Variants in SLC13A4 observed in about 807,000 individuals in gnomAD.
SLC13A4 encodes the protein Na(+)/sulfate cotransporter SUT-1.
Under a neutral mutation model 72.7 loss-of-function variants are expected in SLC13A4, and 28 were observed. The observed-to-expected ratio is 0.39, with a 90% CI of 0.29 to 0.53. The LOEUF is 0.53. Ranked by LOEUF, SLC13A4 falls within the 20% of genes least tolerant of loss-of-function variation. The pLI, the probability that SLC13A4 is intolerant of heterozygous loss-of-function variation, is 0.78. For synonymous variants in SLC13A4, 312 were observed against 325.5 expected, an observed-to-expected ratio of 0.96 and a Z score of 0.45; for missense variants, 653 against 788.0, an observed-to-expected ratio of 0.83 and a Z score of 2.05.
At chr7:135,693,876 C>T (rs1465581149) in intron 10 of SLC13A4, among the ~76,000 whole-genome samples, 2 of 152,206 alleles carry the variant, frequency 1.3e-5, no homozygotes, top group Admixed American at 6.5e-5. Context: ...CTTCTTCTGC[C>T]TCTGTCTGCT....
At chr7:135,726,785 G>A (rs1796667049) in intron 1 of SLC13A4, among the ~76,000 whole-genome samples, 1 of 152,212 alleles carries the variant, frequency 6.6e-6, no homozygotes, top group African/African-American at 2.4e-5. Context: ...ATAATTCAAG[G>A]CCACGTGCAT....
chr7:135,696,781 C>G (rs1795914923), intron 8 of SLC13A4, among the ~76,000 whole-genome samples: 1 of 152,216 alleles, frequency 6.6e-6, no homozygotes, highest in Non-Finnish European at 1.5e-5. Flanking sequence ...GACCAAGGTC[C>G]TCTTGCCTAC....
At chr7:135,711,852 A>G (rs1195632807) in intron 2 of SLC13A4, among the ~76,000 whole-genome samples, 1 of 150,460 alleles carries the variant, frequency 6.6e-6, no homozygotes, top group Non-Finnish European at 1.5e-5. Flanking sequence ...CTGCCTCCTG[A>G]GTTTAAGCAA....
At chr7:135,710,964 C>CT (rs928976337) in intron 2 of SLC13A4, among the ~76,000 whole-genome samples, 3 of 58,010 alleles carry the variant, frequency 5.2e-5, no homozygotes, top group South Asian at 5.9e-4. Flanking sequence ...AGAGTCCACT[C>CT]TGAGAGGGCG....
chr7:135,681,521 T>C lies in SLC13A4; in HGVS notation c.*42A>G. 4 of 1,598,030 alleles carry C rather than the reference T, an allele frequency of 2.5e-6. No homozygotes were observed. Among genetic ancestry groups the C allele is most frequent in the Non-Finnish European group, 3.4e-6 (4 of 1,170,500 alleles). On this transcript the variant is annotated 3_prime_UTR_variant, in exon 16 of 16. Transcript: ENST00000682651. ...TGCCTGTGGTCCAGATACTGCTGGATACTGGCAGCTCCTGTGGTTGGGCCA... is the reference window on the plus strand; with the variant it reads ...TGCCTGTGGTCCAGATACTGCTGGACACTGGCAGCTCCTGTGGTTGGGCCA...
At chr7:135,691,883 C>T (rs75217360) in intron 11 of SLC13A4, 32 of 466,480 alleles carry the variant, frequency 6.9e-5, no homozygotes, top group Non-Finnish European at 1.1e-4. Flanking sequence ...TTTGTGAGCC[C>T]GTTAATTGGG....
intron 11 of SLC13A4, chr7:135,692,014 T>G (rs1224706117): frequency 4.7e-6 from 2 of 425,056 alleles, no homozygotes; most frequent in Non-Finnish European, 8.4e-6. Flanking sequence ...AGTGAGAAGT[T>G]GATTTCTTCT....
chr7:135,718,106 TGCGC>T (rs1796472327), intron 2 of SLC13A4, among the ~76,000 whole-genome samples: 1 of 89,626 alleles, frequency 1.1e-5, no homozygotes, highest in South Asian at 3.8e-4. Context: ...CGCGCACGCG[TGCGC>T]GCTAGTCTCC....
chr7:135,713,038 G>A (rs563905372), intron 2 of SLC13A4, among the ~76,000 whole-genome samples: 49 of 152,228 alleles, frequency 3.2e-4, no homozygotes, highest in African/African-American at 1.4e-4. Flanking sequence ...CTGGTTTCCC[G>A]TCTCATTCTT....
chr7:135,702,510 G>A (rs1796061069), intron 6 of SLC13A4: 2 of 261,526 alleles, frequency 7.6e-6, no homozygotes, highest in Admixed American at 1.0e-4. Flanking sequence ...CAAGTAGTGG[G>A]GATTACCGGT....
chr7:135,682,541 C>T (rs947802392), intron 15 of SLC13A4, among the ~76,000 whole-genome samples: 1 of 152,244 alleles, frequency 6.6e-6, no homozygotes, highest in African/African-American at 2.4e-5. Flanking sequence ...GACGTGTCCT[C>T]TCTCTCCTGC....
intron 15 of SLC13A4, among the ~76,000 whole-genome samples, chr7:135,682,295 C>CT (rs1231157292): frequency 6.6e-6 from 1 of 152,198 alleles, no homozygotes; most frequent in Non-Finnish European, 1.5e-5. Context: ...ACCTCAGTGA[C>CT]TGACCCTTTT....
chr7:135,699,251 C>T, intron 8 of SLC13A4, 113 bp downstream of exon 8: 2 of 1,123,076 alleles, frequency 1.8e-6, no homozygotes, highest in Non-Finnish European at 2.4e-6. Context: ...GTTTTTCCCT[C>T]TTTCTACGGA....
chr7:135,714,754 G>C (rs143597410), intron 2 of SLC13A4, among the ~76,000 whole-genome samples: 1 of 152,216 alleles, frequency 6.6e-6, no homozygotes, highest in Non-Finnish European at 1.5e-5. Context: ...GGAATCTGGC[G>C]GGTCAGAAAG....
chr7:135,719,811 G>GTGTA (rs1563171311), intron 2 of SLC13A4, among the ~76,000 whole-genome samples: 2 of 143,608 alleles, frequency 1.4e-5, no homozygotes, highest in African/African-American at 5.4e-5. Flanking sequence ...GTATGTGTGT[G>GTGTA]TGTGTGTGTG....
At chr7:135,717,012 TTGTCTCTTCCTGTCCGCA>T (rs1340885416) in intron 2 of SLC13A4, among the ~76,000 whole-genome samples, 3 of 152,244 alleles carry the variant, frequency 2.0e-5, no homozygotes, top group African/African-American at 7.2e-5. Flanking sequence ...TTTCAGTCCA[TTGTCTCTTCCTGTCCGCA>T]TGTCTCATTC....
At chr7:135,721,034 T>C (rs1796536558) in intron 2 of SLC13A4, among the ~76,000 whole-genome samples, 1 of 152,200 alleles carries the variant, frequency 6.6e-6, no homozygotes, top group Non-Finnish European at 1.5e-5. Flanking sequence ...CTTTGTGTGC[T>C]TATCGTCTAA....
Position 135,701,681 on chromosome 7 carries a change from T to C in SLC13A4, c.713A>G (p.Gln238Arg), listed in dbSNP as rs1796038865. The change falls in exon 7 of 16, where the codon CAG becomes CGG. Residue 238 changes from glutamine to arginine, a missense_variant and splice_region_variant. Physicochemically the swap from Gln to Arg is conservative, Grantham distance 43 (BLOSUM62 1). Coordinates refer to ENST00000682651, the MANE Select transcript of SLC13A4 (RefSeq NM_001318192.2). ...AGCTAGAAGGGGCCGTTCTATTACC[T>C]GGGATGGGTGTTGCTTCTTGCCCTG... ...QHQGKKQHPS[Q>R]EKPQVLTPSP... 1 of 1,613,466 alleles carries C rather than the reference T, an allele frequency of 6.2e-7. No homozygotes were observed. Among genetic ancestry groups the C allele is most frequent in the African/African-American group, 1.3e-5 (1 of 74,916 alleles).
chr7:135,681,250 C>CT lies in SLC13A4; in HGVS notation c.*312dup, dbSNP rs1300917139. The CT allele has an allele frequency of 8.0e-4, 184 of 230,334 alleles. No homozygotes were observed. Among genetic ancestry groups the CT allele is most frequent in the East Asian group, 1.3e-3 (16 of 11,928 alleles). The allele number at this position is 230,334 out of a possible 1,614,324, so 14.3% of individuals were successfully genotyped here. ...TACAACTTTAGGTTTTCTTTGTCTT[C>CT]TTTTTTTTTAATTTAATTTTTATTT... On this transcript the variant is annotated 3_prime_UTR_variant, in exon 16 of 16. Coordinates refer to ENST00000682651, the MANE Select transcript of SLC13A4 (RefSeq NM_001318192.2).
Sources: allele counts gnomAD v4.1 joint callset (sites outside exome capture counted in the v4.1 genomes callset), GRCh38; gene constraint gnomAD v4.1.1; transcripts MANE v1.5; gene names NCBI Gene and HGNC (gene_info 2026-07-23, HGNC 2026-07-21).